RAB3GAP1: variants seen among roughly 807,000 people sequenced by gnomAD.
RAB3GAP1 encodes the protein rab3 GTPase-activating protein catalytic subunit.
RAB3GAP1 carries 86 observed loss-of-function variants against 130.7 expected under a neutral mutation model. The observed-to-expected ratio is 0.66, with a 90% CI of 0.55 to 0.79. The LOEUF (loss-of-function observed/expected upper bound fraction) is 0.79, where lower values mean the gene tolerates loss of function less well. Ranked by LOEUF, RAB3GAP1 falls within the 30% of genes least tolerant of loss-of-function variation. RAB3GAP1 has a pLI of 0.00. For missense variants in RAB3GAP1, 1,029 were observed against 1,169.4 expected (o/e 0.88, Z 1.75); for synonymous variants, 367 against 401.7 (o/e 0.91, Z 1.03).
rs748000268 is a variant in RAB3GAP1 at position 135,164,715 on chromosome 2, T to G, written c.2709+19T>G. The G allele has an allele frequency of 3.2e-6, 5 of 1,562,110 alleles. No individual in the cohort carries two copies. The Admixed American group carries it at 8.5e-5, about 26-fold the overall frequency. Reference sequence around the variant, plus strand: ...CCAGAGGGTATGTGAGAGTCATTATTGACTCCATCATAATCTCTCCAAACC... The same window carrying G: ...CCAGAGGGTATGTGAGAGTCATTATGGACTCCATCATAATCTCTCCAAACC... On this transcript the variant is annotated intron_variant, in intron 23 of 23. Transcript: ENST00000264158.
chr2:135,169,752 A>T lies in RAB3GAP1; in HGVS notation c.*971A>T. On this transcript the variant is annotated 3_prime_UTR_variant, in exon 24 of 24. Coordinates refer to ENST00000264158, the MANE Select transcript of RAB3GAP1 (RefSeq NM_012233.3). ...ATTTTAGTTAAAATAATCGATGGGG[A>T]TGTGTAGCCCCCCCGTGTGAGGATG... The T allele has an allele frequency of 2.2e-6, 1 of 456,114 alleles. No individual in the cohort carries two copies. The highest frequency in any genetic ancestry group is 4.4e-6 in the Non-Finnish European group (1 of 226,672). 28.3% of individuals were successfully genotyped at this position (456,114 alleles called of 1,614,324 possible).
intron 2 of RAB3GAP1, 72 bp downstream of exon 2, chr2:135,052,557 GAC>G: frequency 1.3e-6 from 2 of 1,555,338 alleles, no homozygotes. Context: ...CCTGACCCCA[GAC>G]ACACCACAAG....
Position 135,135,640 on chromosome 2 carries a change from T to C in RAB3GAP1, c.1631T>C (p.Ile544Thr). 6.2e-7 allele frequency: 1 copy of C among 1,613,050 alleles called. No homozygotes were observed. Among genetic ancestry groups the C allele is most frequent in the Non-Finnish European group, 8.5e-7 (1 of 1,179,580 alleles). ...KKTSASDVTN[I>T]YPGDAGKAGD... is the part of the protein sequence containing the mutation. ...ACAAGTGCTTCAGATGTCACTAATA[T>C]ATATCCAGGGGATGCTGGAAAAGCA... The change falls in exon 17 of 24, where the codon ATA becomes ACA. Residue 544 changes from isoleucine to threonine, a missense_variant. This residue lies in a region of RAB3GAP1 where 373 missense variants were observed against 493.6 expected (regional missense o/e 0.76). Transcript: ENST00000264158.
At chr2:135,125,713 G>A (rs1330895672) in intron 9 of RAB3GAP1, among the ~76,000 whole-genome samples, 6 of 152,144 alleles carry the variant, frequency 3.9e-5, no homozygotes, top group African/African-American at 1.4e-4. Context: ...TCACCTAATG[G>A]GGTGGGATGG....
At chr2:135,102,377 C>T (rs1352930118) in intron 5 of RAB3GAP1, among the ~76,000 whole-genome samples, 1 of 152,184 alleles carries the variant, frequency 6.6e-6, no homozygotes, top group African/African-American at 2.4e-5. Context: ...CCTTGTGAGA[C>T]CTGTTTCAGA....
chr2:135,142,969 C>T (rs74721770), intron 17 of RAB3GAP1, among the ~76,000 whole-genome samples: 17,320 of 151,412 alleles, frequency 0.11, 1,279 homozygotes, highest in South Asian at 0.32. Context: ...GAAGTGTCCC[C>T]TCTTTTTCTC....
At chr2:135,152,617 A>T (rs183600719) in intron 18 of RAB3GAP1, among the ~76,000 whole-genome samples, 21 of 152,242 alleles carry the variant, frequency 1.4e-4, no homozygotes, top group African/African-American at 4.8e-4. Flanking sequence ...CCGTATCATA[A>T]CCCTTTTACA....
intron 21 of RAB3GAP1, 61 bp from the exon 22 acceptor site, chr2:135,162,925 T>G (rs375516151): frequency 1.3e-5 from 21 of 1,575,730 alleles, no homozygotes; most frequent in East Asian, 4.5e-5. Context: ...AAGATGCGTT[T>G]TCAAAGGGCT....
chr2:135,089,302 T>C (rs1273533800), intron 3 of RAB3GAP1, among the ~76,000 whole-genome samples: 1 of 152,112 alleles, frequency 6.6e-6, no homozygotes, highest in Non-Finnish European at 1.5e-5. Flanking sequence ...AGCCTTGTAA[T>C]GTAGTTTGAA....
In RAB3GAP1 at chr2:135,117,678, GCTTCTGCTTCTT is replaced by G. The variant is rs1301721709; in HGVS notation, c.648+2312_648+2323del. Among the ~76,000 whole-genome samples, 6 of 98,498 alleles carry G rather than the reference GCTTCTGCTTCTT, an allele frequency of 6.1e-5. No individual in the cohort carries two copies. The East Asian group carries it at 9.5e-4, about 16-fold the overall frequency. The allele number at this position is 98,498 out of a possible 152,430, so 64.6% of individuals were successfully genotyped here. On this transcript the variant is annotated intron_variant, in intron 7 of 23. Transcript: ENST00000264158. ...TGCTTCTTCTGCTTCTGCTTCTTCT[GCTTCTGCTTCTT>G]CTTCTGCTTCTTCTGCTTCTGCTTC...
intron 6 of RAB3GAP1, among the ~76,000 whole-genome samples, chr2:135,113,818 C>A (rs1431088955): frequency 6.6e-6 from 1 of 152,040 alleles, no homozygotes; most frequent in Non-Finnish European, 1.5e-5. Context: ...GGGCTCACTG[C>A]AGCCTCCACC....
chr2:135,100,829 C>T (rs766377632), intron 5 of RAB3GAP1, among the ~76,000 whole-genome samples: 2 of 152,142 alleles, frequency 1.3e-5, no homozygotes, highest in Non-Finnish European at 2.9e-5. Context: ...GATAAATGCT[C>T]TCATAGGAGG....
Position 135,073,870 on chromosome 2 carries a change from A to G in RAB3GAP1, c.150+15784A>G, listed in dbSNP as rs143716363. On this transcript the variant is annotated intron_variant, in intron 3 of 23. Coordinates refer to ENST00000264158, the MANE Select transcript of RAB3GAP1 (RefSeq NM_012233.3). ...TGAGGGAATTGAGGGGCTTCATCCC[A>G]TGATGGGACCGTAAAAAACGTCTGT... 1.3e-4 allele frequency among the ~76,000 whole-genome samples: 20 copies of G among 152,304 alleles called. No individual in the cohort carries two copies. In the East Asian group the frequency reaches 3.9e-3, roughly 29 times the overall value.
At chr2:135,173,692 C>T (rs924695759), downstream of RAB3GAP1, among the ~76,000 whole-genome samples, 10 of 152,176 alleles carry the variant, frequency 6.6e-5, no homozygotes, top group African/African-American at 2.4e-4. Flanking sequence ...TCTTGCATTG[C>T]TCCTTGCCAG....
chr2:135,105,213 C>T (rs1282453068), intron 5 of RAB3GAP1, among the ~76,000 whole-genome samples: 6 of 120,238 alleles, frequency 5.0e-5, no homozygotes, highest in Non-Finnish European at 8.8e-5. Flanking sequence ...TCCCTCTCCC[C>T]CTCCCCCTTC....
At chr2:135,059,418 T>C (rs559421598) in intron 3 of RAB3GAP1, among the ~76,000 whole-genome samples, 1 of 152,288 alleles carries the variant, frequency 6.6e-6, no homozygotes, top group East Asian at 1.9e-4. Context: ...GTGAAGAAAT[T>C]GTGAACAAGA....
At chr2:135,174,311 C>CA (rs1692944156), downstream of RAB3GAP1, among the ~76,000 whole-genome samples, 1 of 151,798 alleles carries the variant, frequency 6.6e-6, no homozygotes, top group Admixed American at 6.6e-5. Context: ...CAGCCCACCA[C>CA]AAGCCCCATG....
intron 2 of RAB3GAP1, among the ~76,000 whole-genome samples, chr2:135,057,484 G>A (rs1452478508): frequency 2.0e-5 from 3 of 152,208 alleles, no homozygotes; most frequent in South Asian, 2.1e-4. Context: ...TCACTGCAAC[G>A]TCCGCTTCTA....
At chr2:135,068,437 G>GC (rs1689382016) in intron 3 of RAB3GAP1, among the ~76,000 whole-genome samples, 2 of 151,434 alleles carry the variant, frequency 1.3e-5, no homozygotes, top group Admixed American at 1.3e-4. Context: ...AAAGGAAGTA[G>GC]ACTATAAAAA....
Sources: allele counts gnomAD v4.1 joint callset (sites outside exome capture counted in the v4.1 genomes callset), GRCh38; gene constraint gnomAD v4.1.1; regional missense constraint gnomAD v4.1.1; transcripts MANE v1.5; gene names NCBI Gene and HGNC (gene_info 2026-07-23, HGNC 2026-07-21).